Variants in PSMD14 observed in about 807,000 individuals in gnomAD.
The protein encoded by PSMD14 is proteasome 26S subunit, non-ATPase 14, also known as ubiquitin C-terminal hydrolase PSMD14.
Under a neutral mutation model 41.2 loss-of-function variants are expected in PSMD14, and 7 were observed. The observed-to-expected ratio is 0.17, with a 90% CI of 0.10 to 0.32. PSMD14 has a LOEUF of 0.32. Among genes scored for constraint, PSMD14 ranks in the 10% least tolerant of loss-of-function variants. PSMD14 has a pLI of 1.00. For missense variants in PSMD14, 139 were observed against 375.6 expected (o/e 0.37, Z 5.21); for synonymous variants, 114 against 122.3 (o/e 0.93, Z 0.45).
chr2:161,355,269 T>C (rs1040552291), intron 3 of PSMD14, among the ~76,000 whole-genome samples: 3 of 152,178 alleles, frequency 2.0e-5, no homozygotes, highest in Admixed American at 1.3e-4. Context: ...TATTTATTGA[T>C]TTATTATGCA....
intron 3 of PSMD14, among the ~76,000 whole-genome samples, chr2:161,331,258 AT>A (rs61247163): frequency 3.8e-3 from 547 of 143,002 alleles, no homozygotes; most frequent in Admixed American, 4.6e-3. Flanking sequence ...TGTCTTTGGA[AT>A]TTTTTTTTTT....
At chr2:161,390,481 A>G (rs181322730) in intron 8 of PSMD14, among the ~76,000 whole-genome samples, 64 of 152,202 alleles carry the variant, frequency 4.2e-4, no homozygotes, top group African/African-American at 1.5e-3. Context: ...AAGCCATGCT[A>G]TTAGCTTAAG....
chr2:161,330,028 G>A (rs1682761981), intron 3 of PSMD14, among the ~76,000 whole-genome samples: 2 of 152,062 alleles, frequency 1.3e-5, no homozygotes, highest in South Asian at 2.1e-4. Flanking sequence ...ATTGTGATAG[G>A]TCTTTTGAGA....
At chr2:161,398,663 C>A (rs188071230) in intron 10 of PSMD14, among the ~76,000 whole-genome samples, 31 of 151,904 alleles carry the variant, frequency 2.0e-4, no homozygotes, top group East Asian at 1.7e-3. Context: ...TTTTCCCAAG[C>A]ATGTAGTGCT....
chr2:161,378,754 T>C (rs1343036999), intron 7 of PSMD14, among the ~76,000 whole-genome samples: 2 of 152,010 alleles, frequency 1.3e-5, no homozygotes, highest in African/African-American at 4.8e-5. Context: ...GTTGTGTCAT[T>C]TCATTTAATT....
At chr2:161,377,329 C>T (rs1198993621) in intron 7 of PSMD14, among the ~76,000 whole-genome samples, 1 of 151,894 alleles carries the variant, frequency 6.6e-6, no homozygotes, top group Admixed American at 6.6e-5. Context: ...ATGAGCATAC[C>T]CTTCCAAGGT....
intron 3 of PSMD14, among the ~76,000 whole-genome samples, chr2:161,323,207 C>T (rs1302864913): frequency 6.6e-6 from 1 of 152,158 alleles, no homozygotes; most frequent in Non-Finnish European, 1.5e-5. Flanking sequence ...AGTCTATTGG[C>T]CTATTTTTAG....
intron 8 of PSMD14, among the ~76,000 whole-genome samples, chr2:161,388,116 T>A (rs1331925814): frequency 6.6e-6 from 1 of 152,100 alleles, no homozygotes; most frequent in Admixed American, 6.6e-5. Flanking sequence ...TTCTTAAGTG[T>A]CACAGTAAAT....
chr2:161,325,510 T>C (rs1682681972), intron 3 of PSMD14, among the ~76,000 whole-genome samples: 1 of 152,050 alleles, frequency 6.6e-6, no homozygotes, highest in East Asian at 1.9e-4. Context: ...AACATAGCAA[T>C]GGAAAAAATG....
chr2:161,339,998 C>T (rs1458884247), intron 3 of PSMD14, among the ~76,000 whole-genome samples: 3 of 152,172 alleles, frequency 2.0e-5, no homozygotes, highest in Non-Finnish European at 2.9e-5. Context: ...TTCCAAGAAA[C>T]GCATTTGAGA....
intron 1 of PSMD14, among the ~76,000 whole-genome samples, chr2:161,313,409 G>T (rs1689111804): frequency 6.6e-6 from 1 of 152,060 alleles, no homozygotes; most frequent in Non-Finnish European, 1.5e-5. Flanking sequence ...GAGTGCAGTG[G>T]TACCACCTTG....
intron 10 of PSMD14, among the ~76,000 whole-genome samples, chr2:161,402,077 A>C (rs1304549642): frequency 6.6e-6 from 1 of 152,152 alleles, no homozygotes; most frequent in East Asian, 1.9e-4. Flanking sequence ...TCTCTTTCTC[A>C]CATCTACTCA....
At chr2:161,313,864 C>CTG (rs773007341) in intron 1 of PSMD14, among the ~76,000 whole-genome samples, 60 of 151,704 alleles carry the variant, frequency 4.0e-4, no homozygotes, top group Non-Finnish European at 6.9e-4. Flanking sequence ...ATTTGTCATC[C>CTG]TGTGTGTGTG....
At chr2:161,336,363 G>A (rs570655010) in intron 3 of PSMD14, among the ~76,000 whole-genome samples, 5 of 152,192 alleles carry the variant, frequency 3.3e-5, no homozygotes, top group East Asian at 3.9e-4. Flanking sequence ...CATATTGGTC[G>A]GAAACAAGGA....
Position 161,339,919 on chromosome 2 carries a change from A to C in PSMD14, c.48+21046A>C, listed in dbSNP as rs533540891. Among the ~76,000 whole-genome samples the C allele has an allele frequency of 5.2e-5, 8 of 152,406 alleles. No individual in the cohort carries two copies. In the South Asian group the frequency reaches 1.7e-3, roughly 32 times the overall value. On this transcript the variant is annotated intron_variant, in intron 3 of 11. Coordinates refer to ENST00000409682, the MANE Select transcript of PSMD14 (RefSeq NM_005805.6). Reference sequence around the variant, plus strand: ...TCTATAAACTTACTGCTTTAAAAAAATGTTTTAACCAACAAACCTAAGAAC... The same window carrying C: ...TCTATAAACTTACTGCTTTAAAAAACTGTTTTAACCAACAAACCTAAGAAC...
At chr2:161,330,493 G>A (rs1050548715) in intron 3 of PSMD14, among the ~76,000 whole-genome samples, 4 of 152,090 alleles carry the variant, frequency 2.6e-5, no homozygotes, top group African/African-American at 9.7e-5. Flanking sequence ...TTGATCTTCG[G>A]GTTTCCTATC....
In PSMD14 at chr2:161,369,097, G is replaced by A. The variant is rs569454970; in HGVS notation, c.241-1010G>A. On this transcript the variant is annotated intron_variant, in intron 5 of 11. Coordinates refer to ENST00000409682, the MANE Select transcript of PSMD14 (RefSeq NM_005805.6). ...ACTTGTATCTGTCTTTTTATATTAG[G>A]CTACATGAAACACATAAAACTAACT... Among the ~76,000 whole-genome samples, 26 of 151,634 alleles carry A rather than the reference G, an allele frequency of 1.7e-4. No individual in the cohort carries two copies. The East Asian group carries it at 5.0e-3, about 29-fold the overall frequency.
chr2:161,357,680 CTG>C (rs1365808856), intron 3 of PSMD14, among the ~76,000 whole-genome samples: 3 of 152,090 alleles, frequency 2.0e-5, no homozygotes, highest in African/African-American at 7.2e-5. Context: ...TAGCAGCAGA[CTG>C]TGAAGTTGCA....
intron 9 of PSMD14, among the ~76,000 whole-genome samples, chr2:161,392,129 G>C (rs1683720641): frequency 6.6e-6 from 1 of 152,090 alleles, no homozygotes; most frequent in Non-Finnish European, 1.5e-5. Flanking sequence ...CTAATGCCAA[G>C]TATTTAAATC....
Sources: allele counts gnomAD v4.1 joint callset (sites outside exome capture counted in the v4.1 genomes callset), GRCh38; gene constraint gnomAD v4.1.1; transcripts MANE v1.5; gene names NCBI Gene and HGNC (gene_info 2026-07-23, HGNC 2026-07-21).